Variants in TPO observed in about 807,000 individuals in gnomAD.
TPO encodes the protein thyroid peroxidase.
Under a neutral mutation model 96.9 loss-of-function variants are expected in TPO, and 78 were observed. The observed-to-expected ratio is 0.81, with a 90% CI of 0.67 to 0.97. The LOEUF is 0.97. TPO is among the 50% of genes least tolerant of loss of function. TPO has a pLI of 0.00. For synonymous variants in TPO, 547 were observed against 538.0 expected, an observed-to-expected ratio of 1.02 and a Z score of -0.23; for missense variants, 1,252 against 1,274.8, an observed-to-expected ratio of 0.98 and a Z score of 0.27.
chr2:1,451,708 C>T (rs1667317981), intron 5 of TPO, among the ~76,000 whole-genome samples: 1 of 152,180 alleles, frequency 6.6e-6, no homozygotes, highest in Non-Finnish European at 1.5e-5. Context: ...TGACAGATAC[C>T]AATGGAACCC....
upstream of TPO, among the ~76,000 whole-genome samples, chr2:1,412,755 C>T (rs1025318714): frequency 1.7e-4 from 26 of 152,090 alleles, no homozygotes; most frequent in African/African-American, 4.8e-4. Context: ...GTCTCAGGAG[C>T]AGGTCATTGA....
At chr2:1,374,852 A>G (rs1449071419) in intron 1 of TPO, among the ~76,000 whole-genome samples, 1 of 151,192 alleles carries the variant, frequency 6.6e-6, no homozygotes, top group Non-Finnish European at 1.5e-5. Flanking sequence ...TCAACCTCCC[A>G]AGTAGCTGGG....
chr2:1,395,141 A>C (rs1662061046), intron 1 of TPO, among the ~76,000 whole-genome samples: 1 of 152,100 alleles, frequency 6.6e-6, no homozygotes, highest in Non-Finnish European at 1.5e-5. Flanking sequence ...CTCTTTCTCT[A>C]AATCTCCAGG....
At chr2:1,537,248 A>ACCTCAAATCCCCCCACTGTAAGTAACCT (rs1679956130) in intron 15 of TPO, among the ~76,000 whole-genome samples, 2 of 12,954 alleles carry the variant, frequency 1.5e-4, no homozygotes, top group Non-Finnish European at 2.7e-4. Context: ...GTTTCGAACC[A>ACCTCAAATCCCCCCACTGTAAGTAACCT]CCTCAAATCC....
At chr2:1,400,625 A>G (rs892330036) in intron 1 of TPO, among the ~76,000 whole-genome samples, 2 of 151,626 alleles carry the variant, frequency 1.3e-5, no homozygotes, top group African/African-American at 2.4e-5. Context: ...GCGTCTCAAA[A>G]AAAAAAAAAA....
chr2:1,543,604 T>G lies in TPO; in HGVS notation c.*1130T>G, dbSNP rs1422999658. 1.3e-5 allele frequency: 2 copies of G among 152,230 alleles called. No homozygotes were observed. Among genetic ancestry groups the G allele is most frequent in the African/African-American group, 4.8e-5 (2 of 41,450 alleles). 9.4% of individuals were successfully genotyped at this position (152,230 alleles called of 1,614,324 possible). On this transcript the variant is annotated 3_prime_UTR_variant, in exon 17 of 17. Coordinates refer to ENST00000329066, the MANE Select transcript of TPO (RefSeq NM_001206744.2). The stretch of plus-strand genomic sequence containing the variant: ...AGGTGCCAGGCCATCCTGTTCTGTG[T>G]GTTCCCAAACTCTTAGTTTTGTTCA...
intron 1 of TPO, among the ~76,000 whole-genome samples, chr2:1,406,111 G>T (rs1372982846): frequency 1.3e-5 from 2 of 152,196 alleles, no homozygotes; most frequent in Non-Finnish European, 2.9e-5. Flanking sequence ...AACGCACATT[G>T]CATCATTTTC....
In TPO at chr2:1,484,652, G is replaced by A; in HGVS notation, c.1395G>A (p.Gln465=). Residue 465 remains glutamine (Q), a synonymous_variant, in exon 9 of 17, where the codon CAG becomes CAA. Transcript: ENST00000329066. ...TCCTGGGACCCGAGGCCTTCCAGCA[G>A]TACGTGGGTCCCTATGAAGGCTATG... ...PRILGPEAFQ[Q]YVGPYEGYDS... 1.2e-6 allele frequency: 2 copies of A among 1,614,144 alleles called. No individual in the cohort carries two copies. The highest frequency in any genetic ancestry group is 1.7e-6 in the Non-Finnish European group (2 of 1,180,030).
At chr2:1,515,759 G>A (rs997568499) in intron 14 of TPO, among the ~76,000 whole-genome samples, 23 of 152,100 alleles carry the variant, frequency 1.5e-4, no homozygotes, top group Non-Finnish European at 2.9e-5. Flanking sequence ...AAAAAATCCA[G>A]TGTGAGAAAT....
chr2:1,510,619 G>C (rs1345312141), intron 14 of TPO, among the ~76,000 whole-genome samples: 1 of 152,168 alleles, frequency 6.6e-6, no homozygotes, highest in African/African-American at 2.4e-5. Flanking sequence ...CCTCCTCCCG[G>C]AGAGCACCCA....
chr2:1,398,393 A>G (rs907797061), intron 1 of TPO, among the ~76,000 whole-genome samples: 1 of 152,268 alleles, frequency 6.6e-6, no homozygotes, highest in South Asian at 2.1e-4. Flanking sequence ...CAATCAGGCC[A>G]TCTCCCCAGA....
chr2:1,461,586 C>T (rs1307291825), intron 7 of TPO, among the ~76,000 whole-genome samples: 1 of 152,138 alleles, frequency 6.6e-6, no homozygotes, highest in Non-Finnish European at 1.5e-5. Flanking sequence ...CCCCCTGCCC[C>T]ACCGGGCATA....
intron 3 of TPO, among the ~76,000 whole-genome samples, chr2:1,430,139 G>T (rs1324034971): frequency 6.6e-6 from 1 of 152,170 alleles, no homozygotes; most frequent in East Asian, 1.9e-4. Flanking sequence ...AGAGATCTAG[G>T]AGGAAAGAAT....
intron 8 of TPO, among the ~76,000 whole-genome samples, chr2:1,483,213 T>C (rs1260403846): frequency 6.6e-6 from 1 of 152,172 alleles, no homozygotes; most frequent in African/African-American, 2.4e-5. Context: ...AGGTTTCCTC[T>C]CTGTTAACAG....
At chr2:1,533,203 A>C (rs1573622055) in intron 15 of TPO, among the ~76,000 whole-genome samples, 1 of 1,824 alleles carries the variant, frequency 5.5e-4, no homozygotes, top group Non-Finnish European at 1.1e-3. Flanking sequence ...CAATCTCCCC[A>C]TATCCCCCCA....
chr2:1,478,212 G>C, intron 8 of TPO: 1 of 985,416 alleles, frequency 1.0e-6, no homozygotes, highest in Non-Finnish European at 1.2e-6. Flanking sequence ...GAGTCAAGTT[G>C]GCCTTTTATT....
chr2:1,506,128 C>T (rs1484804118), intron 14 of TPO, among the ~76,000 whole-genome samples: 1 of 151,738 alleles, frequency 6.6e-6, no homozygotes, highest in African/African-American at 2.4e-5. Flanking sequence ...TGAGTGAGAA[C>T]ATGCGGTGTT....
intron 14 of TPO, chr2:1,512,506 A>T (rs995833107): frequency 1.0e-6 from 1 of 983,734 alleles, no homozygotes; most frequent in Non-Finnish European, 1.2e-6. Flanking sequence ...GATGGATGTG[A>T]TGCTTGCATG....
chr2:1,515,723 C>T (rs1173978133), intron 14 of TPO, among the ~76,000 whole-genome samples: 4 of 151,886 alleles, frequency 2.6e-5, no homozygotes, highest in Non-Finnish European at 5.9e-5. Context: ...CCGCAGTCAC[C>T]CACAGACGCA....
Sources: allele counts gnomAD v4.1 joint callset (sites outside exome capture counted in the v4.1 genomes callset), GRCh38; gene constraint gnomAD v4.1.1; transcripts MANE v1.5; gene names NCBI Gene and HGNC (gene_info 2026-07-23, HGNC 2026-07-21).